OTOA: variants seen among roughly 807,000 people sequenced by gnomAD.
The protein encoded by OTOA is cancer/testis antigen 108.
Under a neutral mutation model 110.8 loss-of-function variants are expected in OTOA, and 70 were observed. That is an observed-to-expected ratio of 0.63 (90% confidence interval 0.52 to 0.77). The LOEUF (loss-of-function observed/expected upper bound fraction) is 0.77. Ranked by LOEUF, OTOA falls within the 30% of genes least tolerant of loss-of-function variation. The pLI is 0.00. For synonymous variants in OTOA, 373 were observed against 431.5 expected (o/e 0.86, Z 1.68); for missense variants, 917 against 1,075.8 (o/e 0.85, Z 2.06).
intron 6 of OTOA, 41 bp downstream of exon 6, chr16:21,681,866 C>T: frequency 6.3e-7 from 1 of 1,575,436 alleles, no homozygotes; most frequent in South Asian, 1.1e-5. Context: ...CATCTCAGTG[C>T]TCAGGGATTG....
rs573427535 is a variant in OTOA, at chr16:21,697,850, A to G, written c.815A>G (p.Glu272Gly). ...GRYMVHLSFE[E>G]ITKISPIEIG... ...TACATGGTTCACCTATCGTTTGAAG[A>G]AATTACGAAAATTAGTCCTATAGAA... Residue 272 changes from glutamate to glycine, a missense_variant, in exon 10 of 29, where the codon GAA becomes GGA. Glu to Gly is a moderately conservative substitution (Grantham distance 98). Around this residue, in one of 6 missense-constraint regions of OTOA, gnomAD observed 840 missense variants for 910.2 expected, o/e 0.92. Transcript: ENST00000646100. 2 of 1,613,992 alleles carry G rather than the reference A, an allele frequency of 1.2e-6. No individual in the cohort carries two copies. Among genetic ancestry groups the G allele is most frequent in the African/African-American group, 2.7e-5 (2 of 75,020 alleles).
At chr16:21,691,781 C>G in intron 9 of OTOA, 94 bp downstream of exon 9, 1 of 1,208,346 alleles carries the variant, frequency 8.3e-7, no homozygotes, top group South Asian at 1.3e-5. Flanking sequence ...TGATGTTGTT[C>G]TCTTCTGATT....
chr16:21,722,127 TG>T (rs1898767147), intron 17 of OTOA, among the ~76,000 whole-genome samples: 2 of 145,616 alleles, frequency 1.4e-5, no homozygotes, highest in African/African-American at 5.1e-5. Context: ...CCGTGCATGG[TG>T]GGGGGTGCCT....
chr16:21,712,692 A>G (rs2141692642), intron 13 of OTOA, among the ~76,000 whole-genome samples: 1 of 151,150 alleles, frequency 6.6e-6, no homozygotes, highest in Admixed American at 6.6e-5. Flanking sequence ...TAAAAAAAAA[A>G]AAATTAGCTG....
At chr16:21,701,083 CA>C in intron 11 of OTOA, 56 bp downstream of exon 11, 1 of 1,612,066 alleles carries the variant, frequency 6.2e-7, no homozygotes, top group Non-Finnish European at 8.5e-7. Context: ...ATCTAAGCAT[CA>C]GAATTCTCTG....
chr16:21,682,722 A>T (rs1295916249), intron 6 of OTOA, among the ~76,000 whole-genome samples: 1 of 152,220 alleles, frequency 6.6e-6, no homozygotes, highest in Admixed American at 6.5e-5. Context: ...AAAGTTATTC[A>T]GTTTAGCAAA....
chr16:21,758,795 G>A (rs1221701455), intron 28 of OTOA, among the ~76,000 whole-genome samples: 23 of 151,452 alleles, frequency 1.5e-4, no homozygotes, highest in Non-Finnish European at 2.5e-4. Context: ...GAGGTCAGGA[G>A]TTTTGAGACC....
At position 21,680,710 on chromosome 16, in the gene OTOA, G is replaced by T. The variant is rs558213164; in HGVS notation, c.180-1028G>T. Among the ~76,000 whole-genome samples, 5 of 151,662 alleles carry T rather than the reference G, an allele frequency of 3.3e-5. No homozygotes were observed. The East Asian group carries it at 9.8e-4, about 30-fold the overall frequency. On this transcript the variant is annotated intron_variant, in intron 5 of 28. Coordinates refer to ENST00000646100, the MANE Select transcript of OTOA (RefSeq NM_144672.4). ...TCTACTAAAAATAGAAAAATGAGCT[G>T]GATGTGGTGGTGCACGCCTGTAATT...
chr16:21,680,443 G>C (rs551475589), intron 5 of OTOA, among the ~76,000 whole-genome samples: 19 of 152,272 alleles, frequency 1.2e-4, no homozygotes, highest in Non-Finnish European at 2.2e-4. Flanking sequence ...GAACGCGGGA[G>C]GCTGAGGTTG....
chr16:21,665,057 C>T (rs1156643943), intron 1 of OTOA, among the ~76,000 whole-genome samples: 9 of 151,976 alleles, frequency 5.9e-5, no homozygotes, highest in Non-Finnish European at 1.2e-4. Flanking sequence ...GGTATGAGTG[C>T]CATGCCTACT....
intron 9 of OTOA, among the ~76,000 whole-genome samples, chr16:21,695,880 TATA>T (rs1897923010): frequency 2.2e-5 from 1 of 44,866 alleles, no homozygotes; most frequent in African/African-American, 1.2e-4. Context: ...TATATATATA[TATA>T]TATATATATT....
intron 2 of OTOA, 91 bp downstream of exon 2, chr16:21,678,696 G>T: frequency 1.5e-6 from 2 of 1,295,304 alleles, no homozygotes; most frequent in Non-Finnish European, 2.2e-6. Context: ...GATGCTGTAA[G>T]TTGTTTTTGG....
Position 21,685,602 on chromosome 16 carries a change from A to T in OTOA, c.399+241A>T, listed in dbSNP as rs151308738. Among the ~76,000 whole-genome samples the T allele has an allele frequency of 2.7e-3, 416 of 152,150 alleles. 4 individuals carry two copies. The highest frequency in any genetic ancestry group is 0.017 in the Middle Eastern group (5 of 294). ...TTTTGTTTTAGAGTCTCACTCTGTCACTCAGGCTGGAGTGCAGTGGCACAA... is the reference window on the plus strand; with the variant it reads ...TTTTGTTTTAGAGTCTCACTCTGTCTCTCAGGCTGGAGTGCAGTGGCACAA... On this transcript the variant is annotated intron_variant, in intron 7 of 28. Coordinates refer to ENST00000646100, the MANE Select transcript of OTOA (RefSeq NM_144672.4).
Position 21,728,440 on chromosome 16 carries a change from C to A in OTOA, c.2207+9C>A, listed in dbSNP as rs374535775. 2 of 1,612,614 alleles carry A rather than the reference C, an allele frequency of 1.2e-6. No individual in the cohort carries two copies. The highest frequency in any genetic ancestry group is 1.3e-5 in the African/African-American group (1 of 74,868). On this transcript the variant is annotated intron_variant, in intron 20 of 28. Transcript: ENST00000646100. ...CTCCTGGGACAGTATGGGTGAGGAG[C>A]GGCTGGGTTTGGCTTTTGGTGGTGT...
chr16:21,691,541 C>A, intron 8 of OTOA, 43 bp from the exon 9 acceptor site: 1 of 1,527,146 alleles, frequency 6.5e-7, no homozygotes, highest in Non-Finnish European at 9.1e-7. Context: ...ATGCAGCCCC[C>A]ACCTGCTTGT....
At chr16:21,681,343 T>C (rs215893) in intron 5 of OTOA, among the ~76,000 whole-genome samples, 131,648 of 152,044 alleles carry the variant, frequency 0.87, 57,532 homozygotes, top group African/African-American at 0.97. Flanking sequence ...GTAATCCCAG[T>C]ACTTTGGGAG....
intron 11 of OTOA, among the ~76,000 whole-genome samples, chr16:21,704,292 C>T (rs1898110488): frequency 6.6e-6 from 1 of 152,150 alleles, no homozygotes. Context: ...AGGGTGAGAT[C>T]AGCTCTAGAA....
At chr16:21,722,755 T>C in intron 17 of OTOA, 150 bp from the exon 18 acceptor site, 1 of 722,934 alleles carries the variant, frequency 1.4e-6, no homozygotes, top group Admixed American at 2.0e-5. Flanking sequence ...ATCCATAAAC[T>C]GGGCACAGTA....
At position 21,705,210 on chromosome 16, in the gene OTOA, T is replaced by C. The variant is rs1898136033; in HGVS notation, c.1022T>C (p.Leu341Pro). The C allele has an allele frequency of 1.2e-6, 2 of 1,614,182 alleles. No homozygotes were observed. Among genetic ancestry groups the C allele is most frequent in the Non-Finnish European group, 1.7e-6 (2 of 1,180,028 alleles). ...TGTTTCTACAATGACCTGGAATTGC[T>C]GGATGCCACTGTGGCTCAAGTCCTG... ...LVCFYNDLEL[L>P]DATVAQVLLY... is the part of the protein sequence containing the mutation. Residue 341 changes from leucine to proline, a missense_variant, in exon 12 of 29, where the codon CTG (leucine) becomes CCG (proline). Physicochemically the swap from Leu to Pro is moderately conservative, Grantham distance 98. Around this residue, in one of 6 missense-constraint regions of OTOA, gnomAD observed 840 missense variants for 910.2 expected, o/e 0.92. Coordinates refer to ENST00000646100, the MANE Select transcript of OTOA (RefSeq NM_144672.4).
Sources: allele counts gnomAD v4.1 joint callset (sites outside exome capture counted in the v4.1 genomes callset), GRCh38; gene constraint gnomAD v4.1.1; regional missense constraint gnomAD v4.1.1; transcripts MANE v1.5; gene names NCBI Gene and HGNC (gene_info 2026-07-23, HGNC 2026-07-21).